TRPM6: variants seen among roughly 807,000 people sequenced by gnomAD.
The protein encoded by TRPM6 is channel kinase 2.
In TRPM6, 111 loss-of-function variants were observed where a neutral mutation model predicts 247.6. The ratio of observed to expected loss-of-function variants is 0.45; its 90% CI spans 0.38 to 0.52. The LOEUF is 0.52. Ranked by LOEUF, TRPM6 falls within the 20% of genes least tolerant of loss-of-function variation. The pLI, the probability that TRPM6 is intolerant of heterozygous loss-of-function variation, is 0.00. For missense variants in TRPM6, 2,126 were observed against 2,421.5 expected (o/e 0.88, Z 2.56); for synonymous variants, 892 against 853.8 (o/e 1.04, Z -0.78).
intron 15 of TRPM6, among the ~76,000 whole-genome samples, chr9:74,803,170 A>G (rs1240788497): frequency 6.6e-6 from 1 of 152,222 alleles, no homozygotes; most frequent in Non-Finnish European, 1.5e-5. Context: ...ACCAGGAGCT[A>G]TGGAAAGCAA....
At chr9:74,829,416 T>A (rs1391142961) in intron 6 of TRPM6, among the ~76,000 whole-genome samples, 1 of 152,250 alleles carries the variant, frequency 6.6e-6, no homozygotes, top group Admixed American at 6.5e-5. Context: ...ACTTCGTATT[T>A]GCTTTTAGAG....
chr9:74,853,918 A>C (rs1439118278), intron 3 of TRPM6, among the ~76,000 whole-genome samples: 2 of 152,242 alleles, frequency 1.3e-5, no homozygotes, highest in Non-Finnish European at 2.9e-5. Flanking sequence ...AGTAAAAACA[A>C]TTTTTAAAAG....
At chr9:74,857,866 T>C (rs1341337812) in intron 2 of TRPM6, 1 of 152,212 alleles carries the variant, frequency 6.6e-6, no homozygotes, top group African/African-American at 2.4e-5. Context: ...GTCACTATTT[T>C]CCACAGATAC....
At chr9:74,814,588 C>T (rs1053315519) in intron 11 of TRPM6, among the ~76,000 whole-genome samples, 2 of 151,854 alleles carry the variant, frequency 1.3e-5, no homozygotes, top group Non-Finnish European at 2.9e-5. Flanking sequence ...TGTGAGCACA[C>T]AAAAATTAAA....
At chr9:74,827,987 A>G (rs374465896) in intron 6 of TRPM6, 38 bp from the exon 7 acceptor site, 1 of 1,605,066 alleles carries the variant, frequency 6.2e-7, no homozygotes, top group African/African-American at 1.3e-5. Context: ...TCAGAGCTCT[A>G]GATCCTTCCC....
At chr9:74,767,994 G>C (rs1010936258) in intron 25 of TRPM6, among the ~76,000 whole-genome samples, 1 of 152,050 alleles carries the variant, frequency 6.6e-6, no homozygotes, top group African/African-American at 2.4e-5. Context: ...TCTCTTGGAA[G>C]TACCCATAAT....
intron 11 of TRPM6, among the ~76,000 whole-genome samples, chr9:74,813,368 A>C (rs1828803921): frequency 6.6e-6 from 1 of 152,240 alleles, no homozygotes; most frequent in Non-Finnish European, 1.5e-5. Context: ...CAAGAGACAA[A>C]CAGATTTATA....
chr9:74,772,965 C>T (rs1457739178), intron 24 of TRPM6, among the ~76,000 whole-genome samples: 1 of 151,698 alleles, frequency 6.6e-6, no homozygotes, highest in African/African-American at 2.4e-5. Context: ...TTAAAACAAA[C>T]AAACAAAAAA....
Position 74,771,440 on chromosome 9 carries a change from C to T in TRPM6, c.3536+263G>A, listed in dbSNP as rs536529014. On this transcript the variant is annotated intron_variant, in intron 25 of 38. Coordinates refer to ENST00000360774, the MANE Select transcript of TRPM6 (RefSeq NM_017662.5). ...ACATGCGCACACACACACACGCGCG[C>T]GCGCATGAATGTAAGTCCCATGAGG... Among the ~76,000 whole-genome samples, 7 of 152,306 alleles carry T rather than the reference C, an allele frequency of 4.6e-5. No homozygotes were observed. In the South Asian group the frequency reaches 1.2e-3, roughly 27 times the overall value.
Position 74,747,875 on chromosome 9 carries a change from A to G in TRPM6, c.5083+14T>C, listed in dbSNP as rs759810199. The G allele has an allele frequency of 6.2e-7, 1 of 1,601,552 alleles. No homozygotes were observed. The highest frequency in any genetic ancestry group is 8.5e-7 in the Non-Finnish European group (1 of 1,171,512). On this transcript the variant is annotated intron_variant, in intron 31 of 38. Coordinates refer to ENST00000360774, the MANE Select transcript of TRPM6 (RefSeq NM_017662.5). ...AAAAAATAAAAAATAAAATGTTTAA[A>G]CAGAAAAACTTACTGTCAACTCCAA...
At chr9:74,819,245 G>A (rs1301228720) in intron 9 of TRPM6, among the ~76,000 whole-genome samples, 1 of 151,760 alleles carries the variant, frequency 6.6e-6, no homozygotes, top group Non-Finnish European at 1.5e-5. Flanking sequence ...GGAGGTGGAG[G>A]TTGCAGCGAG....
Position 74,827,915 on chromosome 9 carries a change from A to G in TRPM6, c.704T>C (p.Leu235Pro). Residue 235 changes from leucine (L) to proline (P), a missense_variant, in exon 7 of 39, where the codon CTC (leucine) becomes CCC (proline). This residue lies in a region of TRPM6 where 1,082 missense variants were observed against 1,307.9 expected (regional missense o/e 0.83). Coordinates refer to ENST00000360774, the MANE Select transcript of TRPM6 (RefSeq NM_017662.5). ...VCLYQTLDNP[L>P]SKLTTLNSMH... is the part of the protein sequence containing the mutation. ...GCTGTTGAGTGTTGTGAGCTTGCTG[A>G]GGGGGTTATCCAGAGTCTGGTACAG... 6.2e-7 allele frequency: 1 copy of G among 1,614,014 alleles called. No individual in the cohort carries two copies. Among genetic ancestry groups the G allele is most frequent in the Non-Finnish European group, 8.5e-7 (1 of 1,179,992 alleles).
chr9:74,845,005 A>G (rs1830061529), intron 3 of TRPM6, among the ~76,000 whole-genome samples: 1 of 152,236 alleles, frequency 6.6e-6, no homozygotes, highest in Non-Finnish European at 1.5e-5. Context: ...CAGAACATAT[A>G]TAACATTTAT....
Position 74,834,825 on chromosome 9 carries a change from C to G in TRPM6, c.545-703G>C, listed in dbSNP as rs181331418. ...TGTATATGTGCCACATTTTCTTAATCCAATCTATCCCTGATGGACATTTGA... is the reference window on the plus strand; with the variant it reads ...TGTATATGTGCCACATTTTCTTAATGCAATCTATCCCTGATGGACATTTGA... On this transcript the variant is annotated intron_variant, in intron 5 of 38. Transcript: ENST00000360774. 4.6e-5 allele frequency among the ~76,000 whole-genome samples: 7 copies of G among 152,214 alleles called. No homozygotes were observed. The East Asian group carries it at 9.7e-4, about 21-fold the overall frequency.
chr9:74,816,645 C>T (rs767751952), intron 11 of TRPM6, 24 bp downstream of exon 11: 20 of 1,592,964 alleles, frequency 1.3e-5, no homozygotes, highest in East Asian at 1.1e-4. Flanking sequence ...ATATTTTTTC[C>T]GAATAACTTC....
intron 24 of TRPM6, 133 bp downstream of exon 24, chr9:74,775,750 A>C: frequency 1.1e-6 from 1 of 911,064 alleles, no homozygotes; most frequent in Admixed American, 1.8e-5. Flanking sequence ...CCAGAGCATC[A>C]GCTGATATTC....
At chr9:74,810,772 G>A (rs1255858310) in intron 13 of TRPM6, 43 bp downstream of exon 13, 2 of 1,576,252 alleles carry the variant, frequency 1.3e-6, no homozygotes, top group East Asian at 4.5e-5. Context: ...ACAAAGCTAA[G>A]GCAATACACA....
In TRPM6 at chr9:74,810,833, G is replaced by T; in HGVS notation, c.1479C>A (p.Leu493=). Residue 493 remains leucine (L), a synonymous_variant, in exon 13 of 39, where the codon CTC becomes CTA. Coordinates refer to ENST00000360774, the MANE Select transcript of TRPM6 (RefSeq NM_017662.5). The part of the protein sequence containing the change: ...QGPTNTLLHH[L]VQDVKQHTLL... ...AGGTTACCTGTTTCACATCTTGGAC[G>T]AGATGATGCAAGAGTGTATTAGTAG... The T allele has an allele frequency of 1.2e-6, 2 of 1,613,724 alleles. No homozygotes were observed. The highest frequency in any genetic ancestry group is 1.7e-6 in the Non-Finnish European group (2 of 1,179,786).
At chr9:74,788,373 C>T (rs1322753013) in intron 20 of TRPM6, among the ~76,000 whole-genome samples, 4 of 152,270 alleles carry the variant, frequency 2.6e-5, no homozygotes, top group Admixed American at 6.5e-5. Flanking sequence ...ATATCCACTT[C>T]AAAGATAACT....
Sources: gnomAD v4.1 joint callset for allele counts (sites outside exome capture counted in the v4.1 genomes callset) on GRCh38, gnomAD v4.1.1 for gene constraint, gnomAD v4.1.1 regional missense constraint, MANE v1.5 for transcripts, NCBI Gene and HGNC (gene_info 2026-07-23, HGNC 2026-07-21) for gene names.